Variants in LEPR observed in about 807,000 individuals in gnomAD.
The protein encoded by LEPR is leptin receptor, also known as OB receptor.
A neutral mutation model predicts 114.7 loss-of-function variants in LEPR; 56 were observed. The ratio of observed to expected loss-of-function variants is 0.49; its 90% CI spans 0.39 to 0.61. The LOEUF is 0.61. Among genes scored for constraint, LEPR ranks in the 20% least tolerant of loss-of-function variants. The pLI is 0.00. For synonymous variants in LEPR, 443 were observed against 461.4 expected, an observed-to-expected ratio of 0.96 and a Z score of 0.51; for missense variants, 1,202 against 1,352.9, an observed-to-expected ratio of 0.89 and a Z score of 1.75.
chr1:65,446,827 A>G (rs1259511194), intron 2 of LEPR, among the ~76,000 whole-genome samples: 2 of 152,026 alleles, frequency 1.3e-5, no homozygotes, highest in Non-Finnish European at 2.9e-5. Context: ...TAAATTTTTG[A>G]TAAAATCTAA....
chr1:65,565,209 T>G (rs1318856052), intron 2 of LEPR, among the ~76,000 whole-genome samples: 1 of 152,224 alleles, frequency 6.6e-6, no homozygotes, highest in Non-Finnish European at 1.5e-5. Context: ...TGATGTTAAA[T>G]TAGCTGTTAC....
At chr1:65,631,410 C>T (rs1402581926) in intron 19 of LEPR, among the ~76,000 whole-genome samples, 2 of 152,176 alleles carry the variant, frequency 1.3e-5, no homozygotes, top group East Asian at 1.9e-4. Context: ...TTTCTTTCTC[C>T]TGAGCTGCAG....
intron 2 of LEPR, among the ~76,000 whole-genome samples, chr1:65,439,546 A>G (rs1366640348): frequency 2.0e-5 from 3 of 152,130 alleles, no homozygotes; most frequent in South Asian, 2.1e-4. Flanking sequence ...GCTGGGTGCA[A>G]TGGCTCATGC....
At chr1:65,595,408 A>G (rs1488089297) in intron 6 of LEPR, among the ~76,000 whole-genome samples, 3 of 152,084 alleles carry the variant, frequency 2.0e-5, no homozygotes, top group Non-Finnish European at 2.9e-5. Flanking sequence ...GAAATGTACA[A>G]TAGCTTGTAA....
rs1658789209 is a variant in LEPR, at chr1:65,638,602, G to A, written c.*1587G>A. 6.6e-6 allele frequency: 1 copy of A among 152,106 alleles called. No homozygotes were observed. The highest frequency in any genetic ancestry group is 2.1e-4 in the South Asian group (1 of 4,824). The allele number at this position is 152,106 out of a possible 1,614,324, so 9.4% of individuals were successfully genotyped here. Reference sequence around the variant, plus strand: ...TCTACATTCCATCTCTAGTCCAGTTGTGGCTATGAAGTGAGCAGTTCTAAA... The same window carrying A: ...TCTACATTCCATCTCTAGTCCAGTTATGGCTATGAAGTGAGCAGTTCTAAA... On this transcript the variant is annotated 3_prime_UTR_variant, in exon 20 of 20. Transcript: ENST00000349533.
At chr1:65,574,201 A>G (rs1654413136) in intron 5 of LEPR, among the ~76,000 whole-genome samples, 1 of 152,174 alleles carries the variant, frequency 6.6e-6, no homozygotes, top group Non-Finnish European at 1.5e-5. Context: ...GTCATTAGAG[A>G]TAAATAAGAG....
At chr1:65,605,300 T>C in intron 11 of LEPR, 63 bp downstream of exon 11, 1 of 1,595,872 alleles carries the variant, frequency 6.3e-7, no homozygotes, top group East Asian at 2.2e-5. Flanking sequence ...TTGATGCAGA[T>C]TTAATGTTAT....
intron 2 of LEPR, among the ~76,000 whole-genome samples, chr1:65,454,796 G>A (rs556365737): frequency 1.3e-3 from 201 of 152,140 alleles, no homozygotes; most frequent in Non-Finnish European, 2.2e-3. Context: ...TCTTTGTGGC[G>A]TTCTCTGTAT....
In LEPR at chr1:65,621,473, G is replaced by C. The variant is rs6693573; in HGVS notation, c.2597+15G>C. ...TCACACCAAAGGTATTGTACTTGAG[G>C]TTAAGAATCTTTACGGCAAAAGTCC... On this transcript the variant is annotated intron_variant, in intron 18 of 19. Coordinates refer to ENST00000349533, the MANE Select transcript of LEPR (RefSeq NM_002303.6). The C allele has an allele frequency of 3.6e-3, 5,741 of 1,605,308 alleles. 168 individuals are homozygous for C. In the African/African-American group the frequency reaches 0.063, roughly 18 times the overall value.
chr1:65,515,481 A>G (rs1649240016), intron 2 of LEPR, among the ~76,000 whole-genome samples: 1 of 152,158 alleles, frequency 6.6e-6, no homozygotes. Flanking sequence ...TCTCATATTT[A>G]TTTTTTAATA....
At chr1:65,467,633 GC>G (rs928553234) in intron 2 of LEPR, among the ~76,000 whole-genome samples, 18 of 152,330 alleles carry the variant, frequency 1.2e-4, no homozygotes, top group African/African-American at 2.9e-4. Flanking sequence ...ACTATACCCT[GC>G]CCCCAGAGGT....
chr1:65,623,097 A>T (rs1038541319), intron 19 of LEPR, 116 bp downstream of exon 19: 3 of 947,542 alleles, frequency 3.2e-6, no homozygotes, highest in Non-Finnish European at 4.8e-6. Context: ...TATTCAATTC[A>T]TCTTAATATA....
At chr1:65,517,953 G>A (rs1285107210) in intron 2 of LEPR, among the ~76,000 whole-genome samples, 9 of 152,190 alleles carry the variant, frequency 5.9e-5, no homozygotes, top group Admixed American at 1.3e-4. Context: ...CCTCATGACT[G>A]TCTTTCCAAT....
At chr1:65,446,763 T>C (rs1404271966) in intron 2 of LEPR, among the ~76,000 whole-genome samples, 1 of 152,224 alleles carries the variant, frequency 6.6e-6, no homozygotes, top group Non-Finnish European at 1.5e-5. Context: ...TCCTAACTGC[T>C]AGATGATGTG....
chr1:65,560,031 C>T (rs1284167257), intron 2 of LEPR, among the ~76,000 whole-genome samples: 8 of 145,370 alleles, frequency 5.5e-5, no homozygotes, highest in Admixed American at 1.3e-4. Flanking sequence ...CTTGGTGATG[C>T]GGGCTCTTTT....
At chr1:65,515,833 A>G (rs1270672204) in intron 2 of LEPR, among the ~76,000 whole-genome samples, 2 of 152,224 alleles carry the variant, frequency 1.3e-5, no homozygotes, top group African/African-American at 4.8e-5. Context: ...ATAGCACTTT[A>G]GTAAGATACA....
intron 2 of LEPR, among the ~76,000 whole-genome samples, chr1:65,552,563 A>C (rs1652474859): frequency 6.6e-6 from 1 of 152,080 alleles, no homozygotes; most frequent in African/African-American, 2.4e-5. Flanking sequence ...TTTGCTTGAT[A>C]AATATTCCTC....
intron 2 of LEPR, among the ~76,000 whole-genome samples, chr1:65,445,729 T>G (rs1488576617): frequency 6.6e-6 from 1 of 151,892 alleles, no homozygotes; most frequent in Non-Finnish European, 1.5e-5. Flanking sequence ...TAGAGTTTTG[T>G]TTTTTTTCTA....
rs139510210 is a variant in LEPR, at chr1:65,518,945, T to C, written c.-20-46601T>C. ...TCTTTCTCTGTTTCTTTCTTTCTCTTTCTTCTTTCTTCTTTTTCTTTTCTT... is the reference window on the plus strand; with the variant it reads ...TCTTTCTCTGTTTCTTTCTTTCTCTCTCTTCTTTCTTCTTTTTCTTTTCTT... On this transcript the variant is annotated intron_variant, in intron 2 of 19. Coordinates refer to ENST00000349533, the MANE Select transcript of LEPR (RefSeq NM_002303.6). Among the ~76,000 whole-genome samples, 15 of 148,752 alleles carry C rather than the reference T, an allele frequency of 1.0e-4. No homozygotes were observed. In the East Asian group the frequency reaches 3.1e-3, roughly 30 times the overall value.
Sources: gnomAD v4.1 joint callset for allele counts (sites outside exome capture counted in the v4.1 genomes callset) on GRCh38, gnomAD v4.1.1 for gene constraint, MANE v1.5 for transcripts, NCBI Gene and HGNC (gene_info 2026-07-23, HGNC 2026-07-21) for gene names.